The following LDLRAD3 variants were observed in gnomAD, a reference collection of about 807,000 sequenced individuals.
LDLRAD3 encodes low-density lipoprotein receptor class A domain-containing protein 3.
LDLRAD3 carries 20 observed loss-of-function variants against 29.4 expected under a neutral mutation model. That is an observed-to-expected ratio of 0.68 (90% CI 0.48 to 0.99). The LOEUF is 0.99. Ranked by LOEUF, LDLRAD3 falls within the 50% of genes least tolerant of loss-of-function variation. The pLI, the probability that LDLRAD3 is intolerant of heterozygous loss-of-function variation, is 0.00. For missense variants in LDLRAD3, 420 were observed against 454.3 expected, an observed-to-expected ratio of 0.92 and a Z score of 0.69; for synonymous variants, 157 against 192.7, an observed-to-expected ratio of 0.81 and a Z score of 1.53.
intron 4 of LDLRAD3, among the ~76,000 whole-genome samples, chr11:36,183,784 T>C (rs77139149): frequency 0.014 from 2,162 of 152,234 alleles, 53 homozygotes; most frequent in African/African-American, 0.048. Context: ...ATTTTCTCTT[T>C]TTGTGTCTCT....
chr11:36,141,144 G>C (rs1590301346), intron 4 of LDLRAD3, among the ~76,000 whole-genome samples: 1 of 152,000 alleles, frequency 6.6e-6, no homozygotes, highest in Admixed American at 6.6e-5. Context: ...ATGGGGATTC[G>C]ATGGCAGTAA....
At chr11:35,966,349 C>G (rs182231186) in intron 1 of LDLRAD3, among the ~76,000 whole-genome samples, 1 of 152,140 alleles carries the variant, frequency 6.6e-6, no homozygotes, top group Non-Finnish European at 1.5e-5. Context: ...CTCTTGAACC[C>G]GGGAGGCGGA....
intron 1 of LDLRAD3, among the ~76,000 whole-genome samples, chr11:35,957,092 G>A (rs562423253): frequency 9.2e-5 from 14 of 152,186 alleles, no homozygotes; most frequent in Non-Finnish European, 1.8e-4. Context: ...TTATTGATTA[G>A]TAATAGGTTT....
At chr11:36,087,854 C>T (rs1853218733) in intron 3 of LDLRAD3, among the ~76,000 whole-genome samples, 1 of 152,006 alleles carries the variant, frequency 6.6e-6, no homozygotes, top group South Asian at 2.1e-4. Context: ...GCTGGGACTT[C>T]AGGCGCACAC....
intron 4 of LDLRAD3, among the ~76,000 whole-genome samples, chr11:36,159,921 A>G (rs1474638162): frequency 2.0e-5 from 3 of 152,136 alleles, no homozygotes; most frequent in Admixed American, 2.0e-4. Context: ...CCCAGTAGTG[A>G]GTCCTCCGGC....
At chr11:36,175,891 C>T (rs1565280319) in intron 4 of LDLRAD3, among the ~76,000 whole-genome samples, 1 of 152,150 alleles carries the variant, frequency 6.6e-6, no homozygotes, top group African/African-American at 2.4e-5. Context: ...TTGTCTAGTG[C>T]TATCAGTGGA....
chr11:36,214,673 C>T (rs1343300554), intron 4 of LDLRAD3, among the ~76,000 whole-genome samples: 1 of 152,182 alleles, frequency 6.6e-6, no homozygotes, highest in African/African-American at 2.4e-5. Flanking sequence ...GTTGGCCAGA[C>T]AGACCTGGGC....
At chr11:35,968,339 A>G (rs1016321449) in intron 1 of LDLRAD3, 1 of 362,520 alleles carries the variant, frequency 2.8e-6, no homozygotes, top group Non-Finnish European at 5.3e-6. Context: ...TTGCTGTTGG[A>G]GAAATAACGT....
At chr11:36,023,301 C>A (rs1475524183) in intron 1 of LDLRAD3, among the ~76,000 whole-genome samples, 2 of 152,086 alleles carry the variant, frequency 1.3e-5, no homozygotes, top group African/African-American at 4.8e-5. Flanking sequence ...CCATAGGGAA[C>A]GGGAGGTAGG....
At chr11:36,165,976 C>CCCTTCCTTCCTTCCTTCCTT (rs1242167369) in intron 4 of LDLRAD3, among the ~76,000 whole-genome samples, 1 of 101,478 alleles carries the variant, frequency 9.9e-6, no homozygotes, top group African/African-American at 5.1e-5. Context: ...CTCCCTCCCT[C>CCCTTCCTTCCTTCCTTCCTT]CCTTCCTTCC....
intron 1 of LDLRAD3, among the ~76,000 whole-genome samples, chr11:36,007,842 T>TTGTAGTTCAGGTGCTGGGAATGCAA (rs1396512407): frequency 6.6e-6 from 1 of 152,192 alleles, no homozygotes; most frequent in Non-Finnish European, 1.5e-5. Flanking sequence ...CAATGTAAGC[T>TTGTAGTTCAGGTGCTGGGAATGCAA]TGTAGTTCAG....
At chr11:36,044,766 C>A (rs192039627) in intron 2 of LDLRAD3, among the ~76,000 whole-genome samples, 5 of 152,206 alleles carry the variant, frequency 3.3e-5, no homozygotes, top group Non-Finnish European at 5.9e-5. Flanking sequence ...CTTGAGGTTG[C>A]AGGGAAGGAA....
intron 4 of LDLRAD3, among the ~76,000 whole-genome samples, chr11:36,189,701 T>C (rs1854910599): frequency 1.3e-5 from 2 of 152,172 alleles, no homozygotes; most frequent in African/African-American, 4.8e-5. Flanking sequence ...TTACATTAGG[T>C]ATATCTCCTA....
intron 1 of LDLRAD3, chr11:35,997,556 CT>C: frequency 2.1e-5 from 7 of 341,420 alleles, no homozygotes; most frequent in South Asian, 8.9e-5. Context: ...CATCACCAAC[CT>C]TTTTTGCAGA....
rs1355955943 is a variant in LDLRAD3, at chr11:35,944,523, TC to T, written c.46+382del. ...AAAGGAGAGGAGAGGAGAGAACTCT[TC>T]CCTGGTCTCATCTTCCCAGACGCCT... is the stretch of plus-strand genomic sequence containing the variant. On this transcript the variant is annotated intron_variant, in intron 1 of 5. Transcript: ENST00000315571. The surrounding 1 kb of genome is among the most constrained non-coding windows in gnomAD (Gnocchi z 4.9). Among the ~76,000 whole-genome samples the T allele has an allele frequency of 6.6e-6, 1 of 151,946 alleles. No homozygotes were observed. Among genetic ancestry groups the T allele is most frequent in the Non-Finnish European group, 1.5e-5 (1 of 67,972 alleles).
chr11:35,960,369 T>C (rs1343935335), intron 1 of LDLRAD3, among the ~76,000 whole-genome samples: 1 of 152,196 alleles, frequency 6.6e-6, no homozygotes, highest in Non-Finnish European at 1.5e-5. Flanking sequence ...TAGCAGGACT[T>C]TCTCTATAAT....
intron 4 of LDLRAD3, among the ~76,000 whole-genome samples, chr11:36,207,396 G>A (rs1048028617): frequency 8.5e-5 from 13 of 152,192 alleles, no homozygotes; most frequent in African/African-American, 3.1e-4. Context: ...AAATGGCTGG[G>A]TGTGGTTTTT....
intron 4 of LDLRAD3, among the ~76,000 whole-genome samples, chr11:36,175,044 G>A (rs963299061): frequency 6.6e-6 from 1 of 152,140 alleles, no homozygotes; most frequent in Non-Finnish European, 1.5e-5. Context: ...AACAACAGGT[G>A]CTGGAGAGGA....
intron 1 of LDLRAD3, among the ~76,000 whole-genome samples, chr11:35,994,286 G>A (rs559721534): frequency 1.9e-4 from 26 of 136,622 alleles, no homozygotes; most frequent in Admixed American, 1.6e-3. Context: ...GCAGTGAGCC[G>A]AGATAGTGCC....
Sources: allele counts gnomAD v4.1 joint callset (sites outside exome capture counted in the v4.1 genomes callset), GRCh38; gene constraint gnomAD v4.1.1; non-coding constraint Gnocchi (gnomAD v3.1); transcripts MANE v1.5; gene names NCBI Gene and HGNC (gene_info 2026-07-23, HGNC 2026-07-21).